Variants in ADAMTS1 observed in about 807,000 individuals in gnomAD.
The protein encoded by ADAMTS1 is ADAM metallopeptidase with thrombospondin type 1 motif 1.
Under a neutral mutation model 87.9 loss-of-function variants are expected in ADAMTS1, and 19 were observed. The observed-to-expected ratio is 0.22, with a 90% CI of 0.15 to 0.32. The LOEUF is 0.32. Ranked by LOEUF, ADAMTS1 falls within the 10% of genes least tolerant of loss-of-function variation. ADAMTS1 has a pLI of 1.00. For missense variants in ADAMTS1, 1,240 were observed against 1,259.1 expected (o/e 0.98, Z 0.23); for synonymous variants, 542 against 501.8 (o/e 1.08, Z -1.07).
intron 1 of ADAMTS1, 74 bp downstream of exon 1, chr21:26,844,151 C>T (rs1385744161): frequency 1.3e-6 from 2 of 1,491,460 alleles, no homozygotes; most frequent in Non-Finnish European, 1.8e-6. Flanking sequence ...AGGAGTCTAC[C>T]CTGAAGTCGC....
chr21:26,844,603 T>C lies in ADAMTS1; in HGVS notation c.352A>G (p.Thr118Ala), dbSNP rs1319334746. 2.5e-6 allele frequency: 4 copies of C among 1,610,540 alleles called. No individual in the cohort carries two copies. Among genetic ancestry groups the C allele is most frequent in the Non-Finnish European group, 3.4e-6 (4 of 1,178,744 alleles). ...GAGTAGAAGCAGTGCGCCAGGTCGG[T>C]TTCCGGAAGCGGCGTCTCGGACCCG... is the stretch of plus-strand genomic sequence containing the variant. ...KSGSETPLPE[T>A]DLAHCFYSGT... The change falls in exon 1 of 9, where the codon ACC (threonine) becomes GCC (alanine). Residue 118 changes from threonine to alanine, a missense_variant. Physicochemically the swap from Thr to Ala is moderately conservative, Grantham distance 58. Around this residue, in one of 3 missense-constraint regions of ADAMTS1, gnomAD observed 521 missense variants for 449.7 expected, o/e 1.16. Transcript: ENST00000284984.
rs1251093733 is a variant in ADAMTS1 at position 26,840,050 on chromosome 21, A to G, written c.1677T>C (p.His559=). 6 of 1,612,960 alleles carry G rather than the reference A, an allele frequency of 3.7e-6. No homozygotes were observed. The highest frequency in any genetic ancestry group is 5.1e-6 in the Non-Finnish European group (6 of 1,179,744). The change falls in exon 6 of 9, where the codon CAT becomes CAC. Residue 559 remains histidine (H), a synonymous_variant. Transcript: ENST00000284984. Reference sequence around the variant, plus strand: ...AAGGCCCCCACATTCCCCAGCTTCCATGAAAAGGCGTCTAAATGGAGACAT... The same window carrying G: ...AAGGCCCCCACATTCCCCAGCTTCCGTGAAAAGGCGTCTAAATGGAGACAT... The part of the protein sequence containing the change: ...TDRKHFDTPF[H]GSWGMWGPWG...
At chr21:26,841,331 T>G in intron 3 of ADAMTS1, 166 bp from the exon 4 acceptor site, 1 of 640,786 alleles carries the variant, frequency 1.6e-6, no homozygotes, top group Admixed American at 3.1e-5. Flanking sequence ...ATACAAAAAT[T>G]AGCCGGGTGT....
In ADAMTS1 at chr21:26,840,426, T is replaced by C; in HGVS notation, c.1515A>G (p.Thr505=). Reference sequence around the variant, plus strand: ...TGCCGGTACACCACAAGGTGCTACATGTGCTGGCTGCATCGGGGCAGTGTT... The same window carrying C: ...TGCCGGTACACCACAAGGTGCTACACGTGCTGGCTGCATCGGGGCAGTGTT... ...DSKHCPDAAS[T]CSTLWCTGTS... is the part of the protein sequence containing the mutation. Residue 505 remains threonine, a synonymous_variant, in exon 5 of 9, where the codon ACA becomes ACG. Coordinates refer to ENST00000284984, the MANE Select transcript of ADAMTS1 (RefSeq NM_006988.5). 6.2e-7 allele frequency: 1 copy of C among 1,614,098 alleles called. No individual in the cohort carries two copies. The highest frequency in any genetic ancestry group is 8.5e-7 in the Non-Finnish European group (1 of 1,179,932).
In ADAMTS1 at chr21:26,838,249, G is replaced by A; in HGVS notation, c.2234C>T (p.Pro745Leu). Residue 745 changes from proline to leucine, a missense_variant, in exon 9 of 9, where the codon CCA (proline) becomes CTA (leucine). Pro to Leu is a moderately conservative substitution (Grantham distance 98). This residue lies in a region of ADAMTS1 where 402 missense variants were observed against 399.1 expected (regional missense o/e 1.01). Coordinates refer to ENST00000284984, the MANE Select transcript of ADAMTS1 (RefSeq NM_006988.5). ...CACTTCGATGTTGGTGGCTCCAGTTGGAATTGTGATGATATCATGATATCC... is the reference window on the plus strand; with the variant it reads ...CACTTCGATGTTGGTGGCTCCAGTTAGAATTGTGATGATATCATGATATCC... ...KPGYHDIITI[P>L]TGATNIEVKQ... The A allele has an allele frequency of 6.2e-7, 1 of 1,611,374 alleles. No individual in the cohort carries two copies. The highest frequency in any genetic ancestry group is 1.1e-5 in the South Asian group (1 of 90,838).
chr21:26,840,289 C>T lies in ADAMTS1; in HGVS notation c.1652G>A (p.Arg551Lys). 2 of 1,612,614 alleles carry T rather than the reference C, an allele frequency of 1.2e-6. No homozygotes were observed. Among genetic ancestry groups the T allele is most frequent in the Non-Finnish European group, 1.7e-6 (2 of 1,178,786 alleles). ...AGAAAAACTCACATCAAAATGCTTTCTGTCGGTTTTGTTCACACACTTGCC... is the reference window on the plus strand; with the variant it reads ...AGAAAAACTCACATCAAAATGCTTTTTGTCGGTTTTGTTCACACACTTGCC... The part of the protein sequence containing the change: ...INGKCVNKTD[R>K]KHFDTPFHGS... Residue 551 changes from arginine (R) to lysine (K), a missense_variant, in exon 5 of 9, where the codon AGA (arginine) becomes AAA (lysine). Coordinates refer to ENST00000284984, the MANE Select transcript of ADAMTS1 (RefSeq NM_006988.5).
At position 26,840,541 on chromosome 21, in the gene ADAMTS1, G is replaced by A; in HGVS notation, c.1400C>T (p.Pro467Leu). 6.2e-7 allele frequency: 1 copy of A among 1,613,974 alleles called. No individual in the cohort carries two copies. The highest frequency in any genetic ancestry group is 8.5e-7 in the Non-Finnish European group (1 of 1,179,856). The part of the protein sequence containing the change: ...NGHGECLMDK[P>L]QNPIQLPGDL... ...GCCTGGGAGCTGTATGGGATTCTGA[G>A]GCTTGTCCATCAAACATTCCCCTGC... is the stretch of plus-strand genomic sequence containing the variant. The change falls in exon 5 of 9, where the codon CCT (proline) becomes CTT (leucine). Residue 467 changes from proline (P) to leucine (L), a missense_variant. Physicochemically the swap from Pro to Leu is moderately conservative, Grantham distance 98. This residue lies in a region of ADAMTS1 where 317 missense variants were observed against 410.3 expected (regional missense o/e 0.77). Coordinates refer to ENST00000284984, the MANE Select transcript of ADAMTS1 (RefSeq NM_006988.5).
chr21:26,838,216 C>G lies in ADAMTS1; in HGVS notation c.2267G>C (p.Arg756Pro), dbSNP rs139455257. ...TGATNIEVKQRNQRGSRNNGS... is the reference protein window; with the variant it reads ...TGATNIEVKQPNQRGSRNNGS... Reference sequence around the variant, plus strand: ...ATTGTTCCTGGATCCCCTCTGGTTCCGCTGTTTCACTTCGATGTTGGTGGC... The same window carrying G: ...ATTGTTCCTGGATCCCCTCTGGTTCGGCTGTTTCACTTCGATGTTGGTGGC... The change falls in exon 9 of 9, where the codon CGG becomes CCG. Residue 756 changes from arginine (R) to proline (P), a missense_variant. By Grantham distance (103) the Arg-to-Pro change is moderately radical. Transcript: ENST00000284984. 2.5e-6 allele frequency: 4 copies of G among 1,613,840 alleles called. No individual in the cohort carries two copies. The highest frequency in any genetic ancestry group is 3.4e-6 in the Non-Finnish European group (4 of 1,179,884).
At chr21:26,841,323 A>G in intron 3 of ADAMTS1, 158 bp from the exon 4 acceptor site, 1 of 696,434 alleles carries the variant, frequency 1.4e-6, no homozygotes, top group Non-Finnish European at 2.3e-6. Context: ...TACTAAAAAT[A>G]CAAAAATTAG....
rs1568808785 is a variant in ADAMTS1, at chr21:26,837,306, C to G, written c.*273G>C. Reference sequence around the variant, plus strand: ...TTTTCTAAACTTGTAATAGATGTAACAAAAGAAATAATAATAATAATGCCC... The same window carrying G: ...TTTTCTAAACTTGTAATAGATGTAAGAAAAGAAATAATAATAATAATGCCC... On this transcript the variant is annotated 3_prime_UTR_variant, in exon 9 of 9. Transcript: ENST00000284984. 5 of 347,662 alleles carry G rather than the reference C, an allele frequency of 1.4e-5. No individual in the cohort carries two copies. In the East Asian group the frequency reaches 2.2e-4, roughly 15 times the overall value. 21.5% of individuals were successfully genotyped at this position (347,662 alleles called of 1,614,324 possible).
At chr21:26,841,290 C>A (rs1045251005) in intron 3 of ADAMTS1, 125 bp from the exon 4 acceptor site, 2 of 956,716 alleles carry the variant, frequency 2.1e-6, no homozygotes, top group Non-Finnish European at 3.1e-6. Context: ...ACCAGCATGG[C>A]CAACATAGTG....
rs1234977781 is a variant in ADAMTS1, at chr21:26,845,016, G to T, written c.-62C>A. 2 of 1,467,976 alleles carry T rather than the reference G, an allele frequency of 1.4e-6. No individual in the cohort carries two copies. Among genetic ancestry groups the T allele is most frequent in the South Asian group, 1.5e-5 (1 of 67,370 alleles). 90.9% of individuals were successfully genotyped at this position (1,467,976 alleles called of 1,614,324 possible). The stretch of plus-strand genomic sequence containing the variant: ...GAGCGAGGGACCTTTAGTTCGGGTC[G>T]GGAGAGCAAAGCCTCGTTGGCCTGC... On this transcript the variant is annotated 5_prime_UTR_variant, in exon 1 of 9. Coordinates refer to ENST00000284984, the MANE Select transcript of ADAMTS1 (RefSeq NM_006988.5).
Position 26,839,915 on chromosome 21 carries a change from G to C in ADAMTS1, c.1812C>G (p.Arg604=). 6.2e-7 allele frequency: 1 copy of C among 1,614,026 alleles called. No individual in the cohort carries two copies. Among genetic ancestry groups the C allele is most frequent in the Non-Finnish European group, 8.5e-7 (1 of 1,180,014 alleles). ...AGTCCTCAAGGTTACAGGATCTGTAGCGCACTCGTTTGCCTTCACAGTACT... is the reference window on the plus strand; with the variant it reads ...AGTCCTCAAGGTTACAGGATCTGTACCGCACTCGTTTGCCTTCACAGTACT... ...GGKYCEGKRV[R]YRSCNLEDCP... is the part of the protein sequence containing the mutation. The change falls in exon 6 of 9, where the codon CGC becomes CGG. Residue 604 remains arginine, a synonymous_variant. Coordinates refer to ENST00000284984, the MANE Select transcript of ADAMTS1 (RefSeq NM_006988.5).
chr21:26,845,049 T>A lies in ADAMTS1; in HGVS notation c.-95A>T. The A allele has an allele frequency of 7.4e-7, 1 of 1,346,818 alleles. No homozygotes were observed. Among genetic ancestry groups the A allele is most frequent in the Non-Finnish European group, 9.6e-7 (1 of 1,046,484 alleles). The allele number at this position is 1,346,818 out of a possible 1,614,324, so 83.4% of individuals were successfully genotyped here. A position where few individuals can be genotyped will look rare whatever the true frequency, so the allele number is the denominator to read the frequency against. On this transcript the variant is annotated 5_prime_UTR_variant, in exon 1 of 9. Coordinates refer to ENST00000284984, the MANE Select transcript of ADAMTS1 (RefSeq NM_006988.5). ...AAAGCCTCGTTGGCCTGCTCTGGAT[T>A]GTTAAAATTAACAATTTCTATTATT...
At chr21:26,841,385 A>G (rs1211026195) in intron 3 of ADAMTS1, 4 of 437,272 alleles carry the variant, frequency 9.1e-6, no homozygotes, top group Non-Finnish European at 1.6e-5. Flanking sequence ...ATGCTGAGGC[A>G]GCAGAATCGC....
At chr21:26,840,866 A>C in intron 4 of ADAMTS1, 132 bp downstream of exon 4, 1 of 1,126,822 alleles carries the variant, frequency 8.9e-7, no homozygotes, top group Non-Finnish European at 1.3e-6. Context: ...CTCAACAGTT[A>C]GGATCTTGAC....
At position 26,844,894 on chromosome 21, in the gene ADAMTS1, C is replaced by A; in HGVS notation, c.61G>T (p.Ala21Ser). 2 of 1,532,918 alleles carry A rather than the reference C, an allele frequency of 1.3e-6. No homozygotes were observed. Among genetic ancestry groups the A allele is most frequent in the Non-Finnish European group, 1.8e-6 (2 of 1,140,850 alleles). 95.0% of individuals were successfully genotyped at this position (1,532,918 alleles called of 1,614,324 possible). A position where few individuals can be genotyped will look rare whatever the true frequency, so the allele number is the denominator to read the frequency against. Reference protein sequence around the residue: ...RRKLGSDMGNAERAPGSRSFG... With the variant: ...RRKLGSDMGNSERAPGSRSFG... ...CTCCGAGACCCCGGAGCCCGCTCCG[C>A]GTTCCCCATGTCGCTGCCCAGCTTG... The change falls in exon 1 of 9, where the codon GCG becomes TCG. Residue 21 changes from alanine to serine, a missense_variant. Ala to Ser is a moderately conservative substitution (Grantham distance 99). Transcript: ENST00000284984.
Position 26,845,160 on chromosome 21 carries a change from A to G in ADAMTS1, c.-206T>C. The stretch of plus-strand genomic sequence containing the variant: ...GCTGCAGTTCTGCCGGCGCGCGGGA[A>G]GTTTTTCTTCCAGCGCAAAGTTGGA... On this transcript the variant is annotated 5_prime_UTR_variant, in exon 1 of 9. Transcript: ENST00000284984. 1.6e-6 allele frequency: 1 copy of G among 635,242 alleles called. No homozygotes were observed. The highest frequency in any genetic ancestry group is 4.0e-5 in the Admixed American group (1 of 24,988). 39.4% of individuals were successfully genotyped at this position (635,242 alleles called of 1,614,324 possible).
chr21:26,841,558 C>T, intron 3 of ADAMTS1: 1 of 298,942 alleles, frequency 3.3e-6, no homozygotes, highest in East Asian at 6.1e-5. Flanking sequence ...TCATTTGTCC[C>T]AAAATAACAT....
Sources: allele counts gnomAD v4.1 joint callset, GRCh38; gene constraint gnomAD v4.1.1; regional missense constraint gnomAD v4.1.1; transcripts MANE v1.5; gene names NCBI Gene and HGNC (gene_info 2026-07-23, HGNC 2026-07-21).